The following CPED1 variants were observed in gnomAD, a reference collection of about 807,000 sequenced individuals.
The protein encoded by CPED1 is cadherin like and PC-esterase domain containing 1.
In CPED1, 114 loss-of-function variants were observed where a neutral mutation model predicts 128.2. The ratio of observed to expected loss-of-function variants is 0.89; its 90% confidence interval spans 0.76 to 1.04. CPED1 has a LOEUF of 1.04. Among genes scored for constraint, CPED1 ranks in the 50% least tolerant of loss-of-function variants. The pLI, the probability that CPED1 is intolerant of heterozygous loss-of-function variation, is 0.00. For synonymous variants in CPED1, 462 were observed against 426.7 expected, an observed-to-expected ratio of 1.08 and a Z score of -1.02; for missense variants, 1,211 against 1,207.1, an observed-to-expected ratio of 1.00 and a Z score of -0.05.
At chr7:121,048,727 C>T (rs943803954) in intron 4 of CPED1, among the ~76,000 whole-genome samples, 3 of 151,996 alleles carry the variant, frequency 2.0e-5, no homozygotes, top group African/African-American at 7.2e-5. Flanking sequence ...TTAGTAGAGA[C>T]GGGGTTTTGC....
chr7:121,071,516 A>G (rs902941417), intron 5 of CPED1, among the ~76,000 whole-genome samples: 1 of 151,528 alleles, frequency 6.6e-6, no homozygotes, highest in African/African-American at 2.4e-5. Context: ...TCTTACTATC[A>G]TCTAGTAGCT....
At chr7:121,292,758 C>A (rs183368892) in intron 22 of CPED1, among the ~76,000 whole-genome samples, 1 of 152,184 alleles carries the variant, frequency 6.6e-6, no homozygotes, top group East Asian at 1.9e-4. Context: ...GTTAGTTTTC[C>A]TTCTAACAGT....
intron 7 of CPED1, among the ~76,000 whole-genome samples, chr7:121,103,026 C>T (rs1365525540): frequency 1.3e-5 from 2 of 151,932 alleles, no homozygotes; most frequent in South Asian, 2.1e-4. Context: ...ATGTAAGTGC[C>T]GCTCCCCCTA....
At chr7:121,061,479 T>C (rs983058618) in intron 4 of CPED1, among the ~76,000 whole-genome samples, 6 of 152,214 alleles carry the variant, frequency 3.9e-5, no homozygotes, top group Non-Finnish European at 8.8e-5. Context: ...GATAATGATA[T>C]GTAGGTTCAT....
intron 18 of CPED1, among the ~76,000 whole-genome samples, chr7:121,247,943 CCTGCCTGGCTTCT>C (rs1798575486): frequency 6.6e-6 from 1 of 152,240 alleles, no homozygotes; most frequent in Admixed American, 6.5e-5. Context: ...TCCTGCCCAC[CCTGCCTGGCTTCT>C]CTGCAGGAGC....
At position 121,014,568 on chromosome 7, in the gene CPED1, T is replaced by TA. The variant is rs200195085; in HGVS notation, c.250-1095dup. ...TTGTCTCAAAAAAAAAAAATAATAA[T>TA]AATAATAATAAAATAAAATAAATGA... is the stretch of plus-strand genomic sequence containing the variant. On this transcript the variant is annotated intron_variant, in intron 2 of 22. Coordinates refer to ENST00000310396, the MANE Select transcript of CPED1 (RefSeq NM_024913.5). Among the ~76,000 whole-genome samples the TA allele has an allele frequency of 5.4e-3, 756 of 139,228 alleles. 37 individuals are homozygous for TA. The highest frequency in any genetic ancestry group is 0.051 in the South Asian group (227 of 4,458). 91.3% of individuals were successfully genotyped at this position (139,228 alleles called of 152,430 possible). A position where few individuals can be genotyped will look rare whatever the true frequency, so the allele number is the denominator to read the frequency against.
At chr7:121,087,331 A>G (rs995428604) in intron 5 of CPED1, among the ~76,000 whole-genome samples, 2 of 152,098 alleles carry the variant, frequency 1.3e-5, no homozygotes, top group African/African-American at 2.4e-5. Flanking sequence ...ATCTCTCTTC[A>G]TTGGTCTCTT....
At chr7:121,093,864 T>C (rs1794634462) in intron 5 of CPED1, among the ~76,000 whole-genome samples, 1 of 152,178 alleles carries the variant, frequency 6.6e-6, no homozygotes, top group Non-Finnish European at 1.5e-5. Context: ...TTTCCTGAAC[T>C]ATACCCATGT....
At chr7:121,193,096 C>T (rs1280160788) in intron 16 of CPED1, among the ~76,000 whole-genome samples, 1 of 152,126 alleles carries the variant, frequency 6.6e-6, no homozygotes, top group African/African-American at 2.4e-5. Context: ...TTTCATTTAT[C>T]ATGTAATAAG....
rs186795786 is a variant in CPED1, at chr7:121,031,356, G to C, written c.433+15508G>C. 9.9e-5 allele frequency among the ~76,000 whole-genome samples: 15 copies of C among 152,108 alleles called. No individual in the cohort carries two copies. In the East Asian group the frequency reaches 2.9e-3, roughly 29 times the overall value. ...AGATGGAGTCTTGCTCTGTTGCCCAGGTTGGAGGGCAGTGGCGTGATCCCA... is the reference window on the plus strand; with the variant it reads ...AGATGGAGTCTTGCTCTGTTGCCCACGTTGGAGGGCAGTGGCGTGATCCCA... On this transcript the variant is annotated intron_variant, in intron 3 of 22. Coordinates refer to ENST00000310396, the MANE Select transcript of CPED1 (RefSeq NM_024913.5).
intron 16 of CPED1, 109 bp from the exon 17 acceptor site, chr7:121,236,605 C>A: frequency 3.7e-6 from 2 of 542,418 alleles, no homozygotes; most frequent in Non-Finnish European, 6.4e-6. Context: ...AATATTTGCT[C>A]CCTTTTATCC....
chr7:121,262,749 C>T (rs1044189899), intron 18 of CPED1, among the ~76,000 whole-genome samples: 3 of 151,908 alleles, frequency 2.0e-5, no homozygotes, highest in African/African-American at 7.2e-5. Context: ...AAAAATCTAC[C>T]AAACTGAATG....
At chr7:121,197,643 GTGTT>G (rs1387706900) in intron 16 of CPED1, among the ~76,000 whole-genome samples, 1 of 152,110 alleles carries the variant, frequency 6.6e-6, no homozygotes, top group East Asian at 1.9e-4. Context: ...TTGTGTGTGT[GTGTT>G]TGTGCATGCG....
intron 16 of CPED1, among the ~76,000 whole-genome samples, chr7:121,146,376 C>T (rs1563044728): frequency 6.6e-6 from 1 of 152,112 alleles, no homozygotes; most frequent in South Asian, 2.1e-4. Flanking sequence ...AATCTTAATA[C>T]CATCACAATG....
At chr7:121,010,353 G>C (rs879896480) in intron 2 of CPED1, among the ~76,000 whole-genome samples, 1 of 152,106 alleles carries the variant, frequency 6.6e-6, no homozygotes, top group South Asian at 2.1e-4. Context: ...CTGGGTTCAA[G>C]CATTCTCCTG....
rs776401422 is a variant in CPED1, at chr7:121,097,794, C to T, written c.712C>T (p.Arg238Cys). The change falls in exon 6 of 23, where the codon CGT becomes TGT. Residue 238 changes from arginine to cysteine, a missense_variant. By Grantham distance (180) the Arg-to-Cys change is radical (BLOSUM62 -3). Transcript: ENST00000310396. ...TCACCTTTTAAAAACAGTGAAGCCACGTGTGTGGAAACCAGGGGACTGGAG... is the reference window on the plus strand; with the variant it reads ...TCACCTTTTAAAAACAGTGAAGCCATGTGTGTGGAAACCAGGGGACTGGAG... Reference protein sequence around the residue: ...SSHLLKTVKPRVWKPGDWSRE... With the variant: ...SSHLLKTVKPCVWKPGDWSRE... 3.8e-5 allele frequency: 62 copies of T among 1,613,632 alleles called. No individual in the cohort carries two copies. Among genetic ancestry groups the T allele is most frequent in the East Asian group, 6.7e-5 (3 of 44,874 alleles).
At chr7:120,993,748 T>A (rs1285935436) in intron 2 of CPED1, among the ~76,000 whole-genome samples, 1 of 151,740 alleles carries the variant, frequency 6.6e-6, no homozygotes, top group Non-Finnish European at 1.5e-5. Context: ...CAGAAGGGAG[T>A]ACATTATTGC....
chr7:121,218,300 C>T lies in CPED1; in HGVS notation c.2056-18414C>T, dbSNP rs115436443. On this transcript the variant is annotated intron_variant, in intron 16 of 22. Transcript: ENST00000310396. ...CAAAAATCGCAATTACTTTTACACC[C>T]ACCTAATAATTGTAGACAGGAAATG... 3.1e-3 allele frequency among the ~76,000 whole-genome samples: 472 copies of T among 151,944 alleles called. 4 individuals carry two copies. Among genetic ancestry groups the T allele is most frequent in the African/African-American group, 0.011 (459 of 41,500 alleles).
In CPED1 at chr7:121,115,672, T is replaced by G. The variant is rs1031661608; in HGVS notation, c.919-8659T>G. On this transcript the variant is annotated intron_variant, in intron 7 of 22. Coordinates refer to ENST00000310396, the MANE Select transcript of CPED1 (RefSeq NM_024913.5). ...TTGTACTGCCTGTAACAAATATTAC[T>G]TAGTACAGATATTACCGGATTTCAA... Among the ~76,000 whole-genome samples the G allele has an allele frequency of 1.4e-4, 21 of 152,214 alleles. 1 individual carries two copies. Among genetic ancestry groups the G allele is most frequent in the Admixed American group, 6.5e-5 (1 of 15,278 alleles).
Sources: gnomAD v4.1 joint callset for allele counts (sites outside exome capture counted in the v4.1 genomes callset) on GRCh38, gnomAD v4.1.1 for gene constraint, MANE v1.5 for transcripts, NCBI Gene and HGNC (gene_info 2026-07-23, HGNC 2026-07-21) for gene names.